The following SGK3 variants were observed in gnomAD, a reference collection of about 807,000 sequenced individuals.
SGK3 encodes serine/threonine-protein kinase Sgk3.
Under a neutral mutation model 68.5 loss-of-function variants are expected in SGK3, and 47 were observed. The ratio of observed to expected loss-of-function variants is 0.69; its 90% confidence interval spans 0.54 to 0.87. The LOEUF (loss-of-function observed/expected upper bound fraction) is 0.87, where lower values mean the gene tolerates loss of function less well. SGK3 is among the 40% of genes least tolerant of loss of function. The pLI, the probability that SGK3 is intolerant of heterozygous loss-of-function variation, is 0.00. For synonymous variants in SGK3, 181 were observed against 189.1 expected (o/e 0.96, Z 0.35); for missense variants, 479 against 575.5 (o/e 0.83, Z 1.72).
intron 1 of SGK3, among the ~76,000 whole-genome samples, chr8:66,743,336 A>G (rs927872007): frequency 2.0e-5 from 3 of 152,234 alleles, no homozygotes; most frequent in African/African-American, 7.2e-5. Context: ...AATGTATTTC[A>G]TACTGTGGGT....
chr8:66,757,840 A>G (rs1007712252), intron 1 of SGK3, among the ~76,000 whole-genome samples: 4 of 150,876 alleles, frequency 2.7e-5, no homozygotes, highest in African/African-American at 9.8e-5. Flanking sequence ...GCTTGAGCCC[A>G]GAAGGTGGAG....
intron 5 of SGK3, among the ~76,000 whole-genome samples, chr8:66,818,740 T>TTG (rs1808694882): frequency 6.6e-6 from 1 of 152,272 alleles, no homozygotes; most frequent in African/African-American, 2.4e-5. Flanking sequence ...TCATTAACTA[T>TTG]AGTTTGCTCA....
chr8:66,801,777 GA>G (rs1364629384), intron 3 of SGK3, among the ~76,000 whole-genome samples: 1 of 152,048 alleles, frequency 6.6e-6, no homozygotes, highest in Non-Finnish European at 1.5e-5. Flanking sequence ...CGTCTTTTGT[GA>G]AACTCTTCAT....
At chr8:66,839,539 A>G (rs866631818) in intron 10 of SGK3, among the ~76,000 whole-genome samples, 22 of 69,810 alleles carry the variant, frequency 3.2e-4, no homozygotes, top group South Asian at 8.9e-4. Flanking sequence ...ATATATATAT[A>G]TATATATATA....
chr8:66,724,170 A>G (rs1020065651), intron 1 of SGK3, among the ~76,000 whole-genome samples: 1 of 152,134 alleles, frequency 6.6e-6, no homozygotes, highest in African/African-American at 2.4e-5. Context: ...GACAGGGTCT[A>G]GTGAGGATCC....
intron 1 of SGK3, among the ~76,000 whole-genome samples, chr8:66,779,224 G>A (rs190442628): frequency 2.2e-4 from 33 of 152,224 alleles, no homozygotes; most frequent in Admixed American, 1.4e-3. Flanking sequence ...TTTGATATCA[G>A]CATTTAACAC....
At chr8:66,787,028 C>T (rs1807237361) in intron 1 of SGK3, among the ~76,000 whole-genome samples, 1 of 130,214 alleles carries the variant, frequency 7.7e-6, no homozygotes, top group Non-Finnish European at 1.6e-5. Flanking sequence ...ACCTTCACCT[C>T]TTGTGTCCCA....
Position 66,780,985 on chromosome 8 carries a change from T to G in SGK3, c.-121-12631T>G, listed in dbSNP as rs528723002. ...TTGTGGGTTTTGTTTTGTTTTGTTT[T>G]GTTGGGCCTGGACAATCTGAATTCT... is the stretch of plus-strand genomic sequence containing the variant. On this transcript the variant is annotated intron_variant, in intron 1 of 16. Transcript: ENST00000521198. 3.3e-5 allele frequency among the ~76,000 whole-genome samples: 5 copies of G among 152,288 alleles called. No individual in the cohort carries two copies. In the East Asian group the frequency reaches 5.8e-4, roughly 18 times the overall value.
chr8:66,740,985 A>G (rs561574186), intron 1 of SGK3, among the ~76,000 whole-genome samples: 1 of 151,858 alleles, frequency 6.6e-6, no homozygotes, highest in East Asian at 1.9e-4. Flanking sequence ...CCTGCATACC[A>G]GAAGAGACTA....
At chr8:66,738,974 C>T (rs1457951702) in intron 1 of SGK3, among the ~76,000 whole-genome samples, 1 of 152,088 alleles carries the variant, frequency 6.6e-6, no homozygotes, top group Admixed American at 6.6e-5. Context: ...CCATTTTTAC[C>T]CTTCATACGC....
At chr8:66,826,481 A>G (rs1809061194) in intron 6 of SGK3, among the ~76,000 whole-genome samples, 1 of 152,186 alleles carries the variant, frequency 6.6e-6, no homozygotes, top group Non-Finnish European at 1.5e-5. Context: ...GAACACTGTA[A>G]TATTTAAACA....
At chr8:66,788,280 T>C (rs1427159878) in intron 1 of SGK3, among the ~76,000 whole-genome samples, 2 of 152,210 alleles carry the variant, frequency 1.3e-5, no homozygotes, top group Non-Finnish European at 2.9e-5. Flanking sequence ...TCCAGTTTTA[T>C]GATTCAGTGA....
At chr8:66,821,517 A>G (rs995297117) in intron 5 of SGK3, among the ~76,000 whole-genome samples, 5 of 144,024 alleles carry the variant, frequency 3.5e-5, no homozygotes, top group African/African-American at 1.0e-4. Context: ...CCTGCACATA[A>G]TTTTTTTTTT....
At chr8:66,805,934 A>G (rs2130617325) in intron 4 of SGK3, among the ~76,000 whole-genome samples, 1 of 152,278 alleles carries the variant, frequency 6.6e-6, no homozygotes, top group South Asian at 2.1e-4. Context: ...CTAACTTTAT[A>G]CCATTCGTTT....
intron 1 of SGK3, among the ~76,000 whole-genome samples, chr8:66,776,201 G>A (rs866051116): frequency 6.6e-6 from 1 of 152,024 alleles, no homozygotes; most frequent in Non-Finnish European, 1.5e-5. Context: ...TTTCACTAGG[G>A]GTGTTACCTG....
At chr8:66,732,398 G>C (rs1160728691) in intron 1 of SGK3, among the ~76,000 whole-genome samples, 2 of 151,382 alleles carry the variant, frequency 1.3e-5, no homozygotes, top group Non-Finnish European at 2.9e-5. Context: ...TGAAGCAGGA[G>C]AATCACTTGA....
intron 5 of SGK3, among the ~76,000 whole-genome samples, chr8:66,816,579 C>T (rs1185906649): frequency 6.6e-6 from 1 of 151,996 alleles, no homozygotes; most frequent in Admixed American, 6.6e-5. Flanking sequence ...CTCCTGACTT[C>T]GTAATCTGCC....
intron 3 of SGK3, among the ~76,000 whole-genome samples, chr8:66,803,838 T>G (rs1271364558): frequency 6.6e-6 from 1 of 151,982 alleles, no homozygotes; most frequent in Non-Finnish European, 1.5e-5. Context: ...TTTATTTTAT[T>G]TTTTAGAGAC....
rs1236116610 is a variant in SGK3 at position 66,859,567 on chromosome 8, G to A, written c.1477G>A (p.Asp493Asn). 6.2e-7 allele frequency: 1 copy of A among 1,609,060 alleles called. No individual in the cohort carries two copies. The highest frequency in any genetic ancestry group is 1.1e-5 in the South Asian group (1 of 90,328). Residue 493 changes from aspartate (D) to asparagine (N), a missense_variant, in exon 17 of 17, where the codon GAC (aspartate) becomes AAC (asparagine). Physicochemically the swap from Asp to Asn is conservative, Grantham distance 23 (BLOSUM62 1). This residue lies in a region of SGK3 where 173 missense variants were observed against 214.3 expected (regional missense o/e 0.81). Coordinates refer to ENST00000521198, the MANE Select transcript of SGK3 (RefSeq NM_001033578.3). ...TTTCTCTTATGCACCTCCTTCAGAA[G>A]ACTTATTTTTGTGAGCAGTTTGCCA... The part of the protein sequence containing the change: ...VGFSYAPPSE[D>N]LFL
Sources: allele counts gnomAD v4.1 joint callset (sites outside exome capture counted in the v4.1 genomes callset), GRCh38; gene constraint gnomAD v4.1.1; regional missense constraint gnomAD v4.1.1; transcripts MANE v1.5; gene names NCBI Gene and HGNC (gene_info 2026-07-23, HGNC 2026-07-21).